SORCS2: variants seen among roughly 807,000 people sequenced by gnomAD.
SORCS2 encodes the protein VPS10 domain-containing receptor SorCS2.
Under a neutral mutation model 141.6 loss-of-function variants are expected in SORCS2, and 100 were observed. The ratio of observed to expected loss-of-function variants is 0.71; its 90% CI spans 0.60 to 0.83. The LOEUF (loss-of-function observed/expected upper bound fraction) is 0.83, where lower values mean the gene tolerates loss of function less well. Among genes scored for constraint, SORCS2 ranks in the 40% least tolerant of loss-of-function variants. The pLI, the probability that SORCS2 is intolerant of heterozygous loss-of-function variation, is 0.00. For missense variants in SORCS2, 1,646 were observed against 1,560.2 expected (o/e 1.05, Z -0.93); for synonymous variants, 789 against 676.9 (o/e 1.17, Z -2.57).
intron 2 of SORCS2, among the ~76,000 whole-genome samples, chr4:7,401,639 G>T (rs1355552901): frequency 6.6e-6 from 1 of 152,110 alleles, no homozygotes; most frequent in Admixed American, 6.5e-5. Context: ...CACGGCTGTT[G>T]GGCAGAGTGG....
intron 1 of SORCS2, among the ~76,000 whole-genome samples, chr4:7,276,180 C>T (rs1202055522): frequency 6.6e-6 from 1 of 152,176 alleles, no homozygotes; most frequent in Non-Finnish European, 1.5e-5. Flanking sequence ...TGGGAAGGGG[C>T]TTGGGGGCTG....
intron 1 of SORCS2, among the ~76,000 whole-genome samples, chr4:7,385,478 C>T (rs557993021): frequency 2.0e-5 from 3 of 152,166 alleles, no homozygotes; most frequent in Non-Finnish European, 4.4e-5. Flanking sequence ...AGAGAGCTTC[C>T]GAGCCTGTTG....
chr4:7,219,597 G>C (rs2108758140), intron 1 of SORCS2, among the ~76,000 whole-genome samples: 1 of 152,370 alleles, frequency 6.6e-6, no homozygotes, highest in South Asian at 2.1e-4. Flanking sequence ...GCAGGAAGAA[G>C]TACAGCAGGG....
At position 7,202,738 on chromosome 4, in the gene SORCS2, G is replaced by A. The variant is rs1313655086; in HGVS notation, c.480+9612G>A. On this transcript the variant is annotated intron_variant, in intron 1 of 26. Coordinates refer to ENST00000507866, the MANE Select transcript of SORCS2 (RefSeq NM_020777.3). ...GAATTCTTTATGAGGCTTCTTTGCCGTGCATATTTCTGAAGCATCAGACGT... is the reference window on the plus strand; with the variant it reads ...GAATTCTTTATGAGGCTTCTTTGCCATGCATATTTCTGAAGCATCAGACGT... 6.6e-5 allele frequency among the ~76,000 whole-genome samples: 10 copies of A among 152,236 alleles called. No homozygotes were observed. The East Asian group carries it at 7.7e-4, about 12-fold the overall frequency.
At chr4:7,519,458 G>A (rs1041015436) in intron 2 of SORCS2, among the ~76,000 whole-genome samples, 1 of 152,190 alleles carries the variant, frequency 6.6e-6, no homozygotes, top group African/African-American at 2.4e-5. Flanking sequence ...GTGAGTTCAC[G>A]TCGTGAGTCT....
At chr4:7,292,085 A>C (rs931008168) in intron 1 of SORCS2, among the ~76,000 whole-genome samples, 1 of 152,180 alleles carries the variant, frequency 6.6e-6, no homozygotes, top group Non-Finnish European at 1.5e-5. Context: ...CCTCACAGAA[A>C]CTGAGCTCGG....
At chr4:7,709,465 G>C (rs1040577224) in intron 14 of SORCS2, among the ~76,000 whole-genome samples, 2 of 152,230 alleles carry the variant, frequency 1.3e-5, no homozygotes, top group Admixed American at 6.5e-5. Context: ...TCACAGCCAG[G>C]TGCTATAACC....
intron 18 of SORCS2, 89 bp from the exon 19 acceptor site, chr4:7,723,608 T>C (rs1428876751): frequency 8.1e-6 from 11 of 1,359,788 alleles, no homozygotes; most frequent in Non-Finnish European, 1.1e-5. Context: ...AATGAATGAA[T>C]GAGTGAGTGA....
At chr4:7,421,533 C>T (rs1412789937) in intron 2 of SORCS2, among the ~76,000 whole-genome samples, 1 of 152,180 alleles carries the variant, frequency 6.6e-6, no homozygotes, top group Admixed American at 6.5e-5. Flanking sequence ...AGGGAATACT[C>T]GTCATCGTCG....
chr4:7,348,699 G>A (rs773611040), intron 1 of SORCS2, among the ~76,000 whole-genome samples: 2 of 152,098 alleles, frequency 1.3e-5, no homozygotes, highest in South Asian at 2.1e-4. Context: ...TTACAGGGGC[G>A]CACCACCATG....
At chr4:7,400,620 C>G (rs1398878709) in intron 2 of SORCS2, among the ~76,000 whole-genome samples, 1 of 151,996 alleles carries the variant, frequency 6.6e-6, no homozygotes, top group Non-Finnish European at 1.5e-5. Context: ...AATGGATTGA[C>G]AGATGGACAG....
chr4:7,670,355 T>C (rs1389917182), intron 8 of SORCS2, among the ~76,000 whole-genome samples: 1 of 151,922 alleles, frequency 6.6e-6, no homozygotes, highest in Admixed American at 6.6e-5. Flanking sequence ...AGGTAAACAA[T>C]AGGCCAAAGC....
chr4:7,471,473 T>C (rs1010923855), intron 2 of SORCS2, among the ~76,000 whole-genome samples: 1 of 152,240 alleles, frequency 6.6e-6, no homozygotes, highest in Non-Finnish European at 1.5e-5. Flanking sequence ...CAATTTTAAA[T>C]GATACAGTGC....
chr4:7,720,968 T>C (rs559271324), intron 18 of SORCS2, among the ~76,000 whole-genome samples: 1 of 152,348 alleles, frequency 6.6e-6, no homozygotes, highest in East Asian at 1.9e-4. Context: ...ACCAGAGGAC[T>C]GAGCACTTGC....
intron 2 of SORCS2, among the ~76,000 whole-genome samples, chr4:7,427,511 C>T (rs1352260143): frequency 1.3e-5 from 2 of 152,200 alleles, no homozygotes; most frequent in African/African-American, 4.8e-5. Flanking sequence ...TGGGCTGCGC[C>T]TGGGACTTGG....
rs1186775181 is a variant in SORCS2 at position 7,537,402 on chromosome 4, G to A, written c.648+5773G>A. Among the ~76,000 whole-genome samples the A allele has an allele frequency of 2.6e-5, 4 of 152,176 alleles. 1 individual carries two copies. The South Asian group carries it at 6.2e-4, about 24-fold the overall frequency. On this transcript the variant is annotated intron_variant, in intron 3 of 26. Transcript: ENST00000507866. ...TCTACCCTGTGCCCAGGCCATCTTC[G>A]TGGTGAGAGGGCAGCTTGAACGGGG...
At chr4:7,620,029 TCCTCCTTCCTCCTCC>T in intron 3 of SORCS2, among the ~76,000 whole-genome samples, 1 of 150,120 alleles carries the variant, frequency 6.7e-6, no homozygotes, top group Non-Finnish European at 1.5e-5. Context: ...TTCCTCCTCC[TCCTCCTTCCTCCTCC>T]TCCTCCTTCC....
chr4:7,219,319 C>G (rs915117660), intron 1 of SORCS2, among the ~76,000 whole-genome samples: 3 of 152,100 alleles, frequency 2.0e-5, no homozygotes, highest in Non-Finnish European at 2.9e-5. Context: ...TCTGGTTTCT[C>G]TAACTTGGCT....
At chr4:7,402,378 C>CTGTA (rs1490461829) in intron 2 of SORCS2, among the ~76,000 whole-genome samples, 2 of 152,196 alleles carry the variant, frequency 1.3e-5, no homozygotes, top group Non-Finnish European at 2.9e-5. Context: ...GATTGTCTGT[C>CTGTA]TGTATGTATA....
Sources: allele counts gnomAD v4.1 joint callset (sites outside exome capture counted in the v4.1 genomes callset), GRCh38; gene constraint gnomAD v4.1.1; transcripts MANE v1.5; gene names NCBI Gene and HGNC (gene_info 2026-07-23, HGNC 2026-07-21).